The following ADK variants were observed in gnomAD, a reference collection of about 807,000 sequenced individuals.
ADK encodes the protein adenosine kinase.
Under a neutral mutation model 44.7 loss-of-function variants are expected in ADK, and 24 were observed. The ratio of observed to expected loss-of-function variants is 0.54; its 90% CI spans 0.39 to 0.76. The LOEUF (loss-of-function observed/expected upper bound fraction) is 0.76, where lower values mean the gene tolerates loss of function less well. ADK is among the 30% of genes least tolerant of loss of function. The pLI, the probability that ADK is intolerant of heterozygous loss-of-function variation, is 0.00. For missense variants in ADK, 321 were observed against 425.1 expected, an observed-to-expected ratio of 0.76 and a Z score of 2.15; for synonymous variants, 128 against 142.6, an observed-to-expected ratio of 0.90 and a Z score of 0.73.
chr10:74,470,181 C>T (rs969948206), intron 6 of ADK, among the ~76,000 whole-genome samples: 1 of 151,950 alleles, frequency 6.6e-6, no homozygotes, highest in African/African-American at 2.4e-5. Context: ...CGCGCAACCA[C>T]ACCTGACTAA....
chr10:74,223,439 A>T (rs1341865987), intron 2 of ADK, among the ~76,000 whole-genome samples: 1 of 152,178 alleles, frequency 6.6e-6, no homozygotes, highest in African/African-American at 2.4e-5. Flanking sequence ...CAAATATTCA[A>T]ACCATAGCAG....
intron 10 of ADK, among the ~76,000 whole-genome samples, chr10:74,705,583 A>G (rs78303314): frequency 6.6e-6 from 1 of 152,158 alleles, no homozygotes; most frequent in South Asian, 2.1e-4. Context: ...GGCTATTACA[A>G]ATAAAGCTGC....
intron 7 of ADK, among the ~76,000 whole-genome samples, chr10:74,584,553 ATTTT>A (rs1589271813): frequency 6.6e-6 from 1 of 152,194 alleles, no homozygotes; most frequent in South Asian, 2.1e-4. Context: ...AATTATATGA[ATTTT>A]TATTATACAG....
chr10:74,680,706 A>G lies in ADK; in HGVS notation c.964+10437A>G, dbSNP rs1447859094. Among the ~76,000 whole-genome samples, 6 of 152,236 alleles carry G rather than the reference A, an allele frequency of 3.9e-5. No homozygotes were observed. The East Asian group carries it at 1.2e-3, about 29-fold the overall frequency. ...TTTCAAACTATACGATAATTTACAT[A>G]AAACATAACCTCTGATGTTTTAAGG... On this transcript the variant is annotated intron_variant, in intron 10 of 10. Transcript: ENST00000539909.
Position 74,176,743 on chromosome 10 carries a change from G to T in ADK, c.66-24021G>T, listed in dbSNP as rs1031895784. On this transcript the variant is annotated intron_variant, in intron 1 of 10. Transcript: ENST00000539909. ...TAGCCAGGGGCCGCCCGCGCGCGGG[G>T]TGTGTGAGGACGCGCTCCCAGTCGC... The T allele has an allele frequency of 9.8e-6, 15 of 1,531,642 alleles. No homozygotes were observed. The Admixed American group carries it at 2.5e-4, about 26-fold the overall frequency. The allele number at this position is 1,531,642 out of a possible 1,614,324, so 94.9% of individuals were successfully genotyped here. A position where few individuals can be genotyped will look rare whatever the true frequency, so the allele number is the denominator to read the frequency against.
chr10:74,272,211 A>G (rs1846459234), intron 3 of ADK, among the ~76,000 whole-genome samples: 2 of 151,830 alleles, frequency 1.3e-5, no homozygotes, highest in African/African-American at 4.8e-5. Flanking sequence ...ATTCTCATCT[A>G]TTTCTTTGAA....
At chr10:74,246,689 C>G (rs1005885631) in intron 3 of ADK, among the ~76,000 whole-genome samples, 3 of 152,118 alleles carry the variant, frequency 2.0e-5, no homozygotes, top group African/African-American at 4.8e-5. Flanking sequence ...TTTAGAAAGT[C>G]AAGATAACAA....
chr10:74,609,502 AC>A (rs757526273), intron 9 of ADK, among the ~76,000 whole-genome samples: 1 of 151,838 alleles, frequency 6.6e-6, no homozygotes, highest in Non-Finnish European at 1.5e-5. Context: ...GGAGTTCTCG[AC>A]CCCTTGCACT....
chr10:74,657,951 T>A (rs1439211643), intron 9 of ADK, among the ~76,000 whole-genome samples: 2 of 152,168 alleles, frequency 1.3e-5, no homozygotes, highest in Non-Finnish European at 2.9e-5. Flanking sequence ...TGAAAGACAA[T>A]TTGAAATGTA....
intron 9 of ADK, among the ~76,000 whole-genome samples, chr10:74,619,880 C>T (rs1038119285): frequency 6.6e-6 from 1 of 152,094 alleles, no homozygotes; most frequent in Non-Finnish European, 1.5e-5. Context: ...GCCACCACAC[C>T]TGGCTAATTT....
chr10:74,353,564 T>G (rs1842037282), intron 4 of ADK, among the ~76,000 whole-genome samples: 3 of 109,320 alleles, frequency 2.7e-5, no homozygotes, highest in Admixed American at 1.1e-4. Context: ...TCCCAGAACT[T>G]AAAGTTAAAA....
chr10:74,421,917 G>A (rs1844568856), intron 6 of ADK, among the ~76,000 whole-genome samples: 2 of 152,140 alleles, frequency 1.3e-5, no homozygotes, highest in Non-Finnish European at 1.5e-5. Flanking sequence ...TGTATAAATT[G>A]TATAAATAAG....
chr10:74,549,126 C>T (rs1166503484), intron 7 of ADK, among the ~76,000 whole-genome samples: 6 of 152,052 alleles, frequency 3.9e-5, no homozygotes, highest in African/African-American at 9.7e-5. Context: ...TCAATTATAG[C>T]GTACAACTTA....
intron 4 of ADK, among the ~76,000 whole-genome samples, chr10:74,375,741 T>C (rs1397451882): frequency 1.3e-5 from 2 of 152,220 alleles, no homozygotes; most frequent in Non-Finnish European, 2.9e-5. Context: ...CTTCACTTTA[T>C]GTCAAAGTCT....
At chr10:74,573,946 C>A (rs1461872067) in intron 7 of ADK, among the ~76,000 whole-genome samples, 2 of 152,192 alleles carry the variant, frequency 1.3e-5, no homozygotes, top group Non-Finnish European at 2.9e-5. Context: ...ACTCCCTGAC[C>A]CCTTGCGCTT....
intron 3 of ADK, among the ~76,000 whole-genome samples, chr10:74,266,023 A>T (rs1160217628): frequency 6.6e-6 from 1 of 152,120 alleles, no homozygotes; most frequent in African/African-American, 2.4e-5. Flanking sequence ...AGAGAGAGGG[A>T]TGAGAGAAGG....
chr10:74,165,669 CAT>C (rs999142004), intron 1 of ADK, among the ~76,000 whole-genome samples: 1 of 151,490 alleles, frequency 6.6e-6, no homozygotes, highest in Non-Finnish European at 1.5e-5. Flanking sequence ...ACCTCTGACT[CAT>C]GTGTCTTGCT....
intron 10 of ADK, among the ~76,000 whole-genome samples, chr10:74,678,347 G>A (rs1448373056): frequency 6.6e-6 from 1 of 152,074 alleles, no homozygotes; most frequent in Non-Finnish European, 1.5e-5. Flanking sequence ...GATTATTTGA[G>A]CCTTCGTTAG....
chr10:74,312,177 C>T (rs1460967158), intron 3 of ADK, among the ~76,000 whole-genome samples: 2 of 152,000 alleles, frequency 1.3e-5, no homozygotes, highest in East Asian at 1.9e-4. Flanking sequence ...AAAAAGAATC[C>T]TAACAAGTTG....
Sources: allele counts gnomAD v4.1 joint callset (sites outside exome capture counted in the v4.1 genomes callset), GRCh38; gene constraint gnomAD v4.1.1; transcripts MANE v1.5; gene names NCBI Gene and HGNC (gene_info 2026-07-23, HGNC 2026-07-21).